Variants in OTOGL observed in about 807,000 individuals in gnomAD.
OTOGL encodes the protein otogelin like.
A neutral mutation model predicts 318.5 loss-of-function variants in OTOGL; 285 were observed. That is an observed-to-expected ratio of 0.89 (90% CI 0.81 to 0.99). OTOGL has a LOEUF of 0.99. Among genes scored for constraint, OTOGL ranks in the 50% least tolerant of loss-of-function variants. The pLI is 0.00. For synonymous variants in OTOGL, 987 were observed against 936.5 expected (o/e 1.05, Z -0.99); for missense variants, 2,899 against 2,845.6 (o/e 1.02, Z -0.43).
intron 3 of OTOGL, among the ~76,000 whole-genome samples, 175 bp from the exon 4 acceptor site, chr12:80,211,774 C>T (rs1401835066): frequency 6.6e-6 from 1 of 152,114 alleles, no homozygotes; most frequent in Non-Finnish European, 1.5e-5. Context: ...GCACCACCAC[C>T]CAAATCTAAC....
intron 1 of OTOGL, among the ~76,000 whole-genome samples, chr12:80,162,188 T>C (rs1873556159): frequency 6.6e-6 from 1 of 152,172 alleles, no homozygotes; most frequent in South Asian, 2.1e-4. Context: ...AAGTAGTTTA[T>C]TAAATAGACA....
At chr12:80,206,878 A>G (rs1876849874) in intron 1 of OTOGL, among the ~76,000 whole-genome samples, 1 of 152,182 alleles carries the variant, frequency 6.6e-6, no homozygotes, top group Non-Finnish European at 1.5e-5. Context: ...AATAGTCATA[A>G]AAACATCAAA....
chr12:80,265,406 C>G (rs1882876329), intron 20 of OTOGL, 196 bp downstream of exon 20: 1 of 632,042 alleles, frequency 1.6e-6, no homozygotes. Context: ...AGACCAATAA[C>G]TTTTGACTAG....
At chr12:80,307,159 G>T (rs1408490721) in intron 29 of OTOGL, among the ~76,000 whole-genome samples, 2 of 151,146 alleles carry the variant, frequency 1.3e-5, no homozygotes, top group East Asian at 1.9e-4. Context: ...CAAGGCAGAA[G>T]AATTTTTCTT....
intron 9 of OTOGL, among the ~76,000 whole-genome samples, chr12:80,234,355 T>C (rs566230334): frequency 6.6e-5 from 10 of 152,216 alleles, no homozygotes; most frequent in East Asian, 3.8e-4. Flanking sequence ...GTAATTGCCA[T>C]TGAAGCTGTA....
intron 9 of OTOGL, 127 bp from the exon 10 acceptor site, chr12:80,238,724 T>A: frequency 1.8e-6 from 2 of 1,133,648 alleles, no homozygotes; most frequent in Non-Finnish European, 2.2e-6. Context: ...ATCACATTGG[T>A]AATTATAATG....
intron 1 of OTOGL, among the ~76,000 whole-genome samples, chr12:80,183,491 A>G (rs760537505): frequency 6.6e-5 from 10 of 152,196 alleles, no homozygotes; most frequent in Non-Finnish European, 1.5e-4. Context: ...TGGGAGGAGT[A>G]TATTAGGAAA....
chr12:80,132,366 T>G (rs1027398547), intron 1 of OTOGL: 1 of 152,238 alleles, frequency 6.6e-6, no homozygotes, highest in Non-Finnish European at 1.5e-5. Context: ...ATGACAAAAA[T>G]ATAAAAATAT....
Position 80,336,091 on chromosome 12 carries a change from G to A in OTOGL, c.4551G>A (p.Arg1517=). 1 of 1,598,698 alleles carries A rather than the reference G, an allele frequency of 6.3e-7. No individual in the cohort carries two copies. Among genetic ancestry groups the A allele is most frequent in the East Asian group, 2.2e-5 (1 of 44,842 alleles). The change falls in exon 39 of 59, where the codon AGG becomes AGA. Residue 1517 remains arginine (R), a synonymous_variant. Coordinates refer to ENST00000547103, the MANE Select transcript of OTOGL (RefSeq NM_001378609.3). The part of the protein sequence containing the change: ...VEMPDCGFRG[R]PVQVNSDICC... ...TGCCTGACTGTGGTTTCCGAGGAAG[G>A]CCAGTTCAAGTGAACAGTGATATCT...
intron 1 of OTOGL, among the ~76,000 whole-genome samples, chr12:80,100,849 TCAC>T (rs1216905591): frequency 6.6e-6 from 1 of 152,182 alleles, no homozygotes; most frequent in Non-Finnish European, 1.5e-5. Flanking sequence ...TCCTCAACTT[TCAC>T]TTTTTTTTTC....
intron 20 of OTOGL, 55 bp from the exon 21 acceptor site, chr12:80,266,396 A>ACCTCT: frequency 6.4e-7 from 1 of 1,573,866 alleles, no homozygotes; most frequent in South Asian, 1.1e-5. Context: ...AGGAGGCATA[A>ACCTCT]AATGTTTCTA....
At position 80,145,520 on chromosome 12, in the gene OTOGL, A is replaced by G. The variant is rs1371405618; in HGVS notation, c.-20+45915A>G. 2.0e-5 allele frequency among the ~76,000 whole-genome samples: 3 copies of G among 151,990 alleles called. No homozygotes were observed. The East Asian group carries it at 5.8e-4, about 29-fold the overall frequency. ...GCCTCCAGCTTTGTTCTTTTGGCTT[A>G]GGATTGACTTGGCGATGCGGGCTCT... On this transcript the variant is annotated intron_variant, in intron 1 of 58. Transcript: ENST00000547103.
intron 52 of OTOGL, among the ~76,000 whole-genome samples, chr12:80,365,542 G>A (rs1310372569): frequency 2.0e-5 from 3 of 152,108 alleles, no homozygotes; most frequent in Non-Finnish European, 4.4e-5. Context: ...AAAAGAGTTA[G>A]TGTAAGCCTA....
chr12:80,267,397 A>G, intron 22 of OTOGL, 70 bp downstream of exon 22: 2 of 693,452 alleles, frequency 2.9e-6, no homozygotes, highest in Non-Finnish European at 3.9e-6. Flanking sequence ...TCTTTTATAT[A>G]TATATATATA....
chr12:80,216,095 A>G (rs1244904), intron 4 of OTOGL, among the ~76,000 whole-genome samples: 139,662 of 152,178 alleles, frequency 0.92, 64,180 homozygotes, highest in East Asian at 1. Context: ...CAGGAGGATC[A>G]CTTTGAGTCC....
At chr12:80,240,522 A>G (rs948374288) in intron 11 of OTOGL, among the ~76,000 whole-genome samples, 1 of 152,118 alleles carries the variant, frequency 6.6e-6, no homozygotes, top group Non-Finnish European at 1.5e-5. Flanking sequence ...TCTAATAACT[A>G]CTGCAGTTTG....
chr12:80,364,641 G>T (rs1444674283), intron 52 of OTOGL, among the ~76,000 whole-genome samples: 2 of 151,894 alleles, frequency 1.3e-5, no homozygotes, highest in South Asian at 2.1e-4. Context: ...TCTGTTCTTG[G>T]TATTTCCTAT....
At chr12:80,369,940 A>G (rs886151794) in intron 55 of OTOGL, among the ~76,000 whole-genome samples, 10 of 152,070 alleles carry the variant, frequency 6.6e-5, no homozygotes, top group African/African-American at 1.4e-4. Context: ...TAGATTAACA[A>G]TTATTTCAAC....
In OTOGL at chr12:80,352,424, C is replaced by A; in HGVS notation, c.5395C>A (p.Pro1799Thr). 1 of 1,596,304 alleles carries A rather than the reference C, an allele frequency of 6.3e-7. No individual in the cohort carries two copies. Among genetic ancestry groups the A allele is most frequent in the Non-Finnish European group, 8.5e-7 (1 of 1,174,160 alleles). ...TGATATCTGTATTCAGTGGAGAACA[C>A]CTGATTACTGCTGTGAGTAACTGTT... ...KFDICIQWRT[P>T]DYCSLSCPEG... The change falls in exon 45 of 59, where the codon CCT becomes ACT. Residue 1799 changes from proline to threonine, a missense_variant. Physicochemically the swap from Pro to Thr is conservative, Grantham distance 38 (BLOSUM62 -1). Around this residue, in one of 3 missense-constraint regions of OTOGL, gnomAD observed 2,607 missense variants for 2,524.9 expected, o/e 1.03. Transcript: ENST00000547103.
Sources: allele counts gnomAD v4.1 joint callset (sites outside exome capture counted in the v4.1 genomes callset), GRCh38; gene constraint gnomAD v4.1.1; regional missense constraint gnomAD v4.1.1; transcripts MANE v1.5; gene names NCBI Gene and HGNC (gene_info 2026-07-23, HGNC 2026-07-21).